Variants in EVL observed in about 807,000 individuals in gnomAD.
EVL encodes the protein Enah/Vasp-like.
A neutral mutation model predicts 59.6 loss-of-function variants in EVL; 21 were observed. That is an observed-to-expected ratio of 0.35 (90% CI 0.25 to 0.51). The LOEUF (loss-of-function observed/expected upper bound fraction) is 0.51. EVL is among the 20% of genes least tolerant of loss of function. The pLI is 0.97. For missense variants in EVL, 462 were observed against 546.6 expected, an observed-to-expected ratio of 0.85 and a Z score of 1.54; for synonymous variants, 198 against 203.5, an observed-to-expected ratio of 0.97 and a Z score of 0.23.
chr14:100,126,826 C>T (rs1888104200), intron 5 of EVL, 55 bp downstream of exon 5: 5 of 1,565,088 alleles, frequency 3.2e-6, no homozygotes, highest in African/African-American at 2.7e-5. Flanking sequence ...GGTGGCAGCC[C>T]CTCCACGTAG....
intron 3 of EVL, among the ~76,000 whole-genome samples, chr14:100,116,392 C>T (rs1278439311): frequency 6.6e-6 from 1 of 152,312 alleles, no homozygotes; most frequent in African/African-American, 2.4e-5. Context: ...CTCTGGCACC[C>T]CTGACATCTC....
chr14:100,065,035 CTG>C (rs1235638894), upstream of EVL, among the ~76,000 whole-genome samples: 3 of 152,240 alleles, frequency 2.0e-5, no homozygotes, highest in African/African-American at 7.2e-5. Flanking sequence ...AGGAAGTCAT[CTG>C]TGCTGAGCCT....
chr14:100,078,621 C>T (rs1055609117), intron 1 of EVL, among the ~76,000 whole-genome samples: 1 of 152,096 alleles, frequency 6.6e-6, no homozygotes, highest in South Asian at 2.1e-4. Context: ...AGTGACAAGA[C>T]GAGCTGGGTG....
At chr14:100,035,848 T>G (rs770381883) in intron 1 of EVL, among the ~76,000 whole-genome samples, 20 of 152,194 alleles carry the variant, frequency 1.3e-4, no homozygotes, top group Non-Finnish European at 2.5e-4. Context: ...TCATGTAGTT[T>G]ATGTGGGTCT....
intron 1 of EVL, among the ~76,000 whole-genome samples, chr14:100,068,898 G>A (rs1338599380): frequency 6.6e-6 from 1 of 152,148 alleles, no homozygotes; most frequent in African/African-American, 2.4e-5. Context: ...ATATGGATGT[G>A]TGATATGTCT....
intron 1 of EVL, among the ~76,000 whole-genome samples, chr14:99,994,112 C>CTTTTTTTTTTTTTTTTTT (rs751533422): frequency 9.1e-5 from 5 of 55,166 alleles, no homozygotes; most frequent in Admixed American, 4.0e-4. Context: ...AGCCTTTTGG[C>CTTTTTTTTTTTTTTTTTT]TTTTTTTTTT....
chr14:100,004,095 T>G (rs2060963207), intron 1 of EVL, among the ~76,000 whole-genome samples: 1 of 152,162 alleles, frequency 6.6e-6, no homozygotes, highest in South Asian at 2.1e-4. Flanking sequence ...TCCCAGCTAC[T>G]TGGGAGGCTG....
intron 3 of EVL, 21 bp from the exon 4 acceptor site, chr14:100,123,518 T>G (rs376769645): frequency 1.9e-6 from 3 of 1,613,432 alleles, no homozygotes; most frequent in African/African-American, 2.7e-5. Flanking sequence ...CCACACTGTT[T>G]CTGTGCTTCT....
intron 1 of EVL, among the ~76,000 whole-genome samples, chr14:100,043,362 A>G (rs1004981973): frequency 2.7e-5 from 4 of 148,666 alleles, no homozygotes; most frequent in Non-Finnish European, 4.5e-5. Flanking sequence ...GTATTGAGTC[A>G]TGATTATGGA....
intron 4 of EVL, among the ~76,000 whole-genome samples, chr14:100,125,193 CA>C (rs1394631462): frequency 5.2e-4 from 77 of 149,082 alleles, no homozygotes; most frequent in South Asian, 8.5e-4. Context: ...CACACACACA[CA>C]CCTGCCCCAA....
intron 1 of EVL, among the ~76,000 whole-genome samples, chr14:100,056,122 G>T (rs182965933): frequency 6.6e-6 from 1 of 152,006 alleles, no homozygotes. Context: ...CGTTGTTTTC[G>T]TATCAGTTCT....
chr14:100,097,750 C>T (rs1885919447), intron 3 of EVL, 92 bp downstream of exon 3: 5 of 1,232,412 alleles, frequency 4.1e-6, no homozygotes, highest in South Asian at 3.0e-5. Context: ...TATCCTAGCA[C>T]TGTCACTGCA....
intron 1 of EVL, among the ~76,000 whole-genome samples, chr14:100,047,774 C>G (rs987622761): frequency 6.6e-6 from 1 of 152,168 alleles, no homozygotes; most frequent in Admixed American, 6.5e-5. Flanking sequence ...AGTTACCCTA[C>G]AGAGAGCTTG....
chr14:100,065,413 A>G, upstream of EVL: 1 of 1,291,660 alleles, frequency 7.7e-7, no homozygotes, highest in East Asian at 2.9e-5. Context: ...TGCTGTCTTC[A>G]GAGGGTCTGT....
chr14:99,993,689 T>C (rs541362837), intron 1 of EVL, among the ~76,000 whole-genome samples: 9 of 133,314 alleles, frequency 6.8e-5, no homozygotes, highest in Admixed American at 4.3e-4. Context: ...TTCTTTCTTT[T>C]TTTTTTTTTT....
intron 1 of EVL, among the ~76,000 whole-genome samples, chr14:99,976,065 C>T (rs2060768379): frequency 2.6e-5 from 4 of 151,814 alleles, no homozygotes; most frequent in African/African-American, 4.8e-5. Context: ...TTCAGAGTCT[C>T]ATTCCTTTGC....
At chr14:100,122,316 G>GT (rs1326319953) in intron 3 of EVL, among the ~76,000 whole-genome samples, 1 of 152,218 alleles carries the variant, frequency 6.6e-6, no homozygotes, top group Non-Finnish European at 1.5e-5. Flanking sequence ...CTTGCTGTAT[G>GT]TAAGACCTTG....
intron 1 of EVL, among the ~76,000 whole-genome samples, chr14:99,998,244 G>A (rs1284493479): frequency 6.6e-6 from 1 of 151,880 alleles, no homozygotes; most frequent in Non-Finnish European, 1.5e-5. Context: ...AGTCTCAAAC[G>A]CGGCTCCAGT....
rs1886842761 is a variant in EVL, at chr14:100,109,836, A to G, written c.358+12178A>G. On this transcript the variant is annotated intron_variant, in intron 3 of 13. Transcript: ENST00000392920. This position sits in a 1 kb window ranked among gnomAD's most constrained non-coding sequence, Gnocchi z 4.3. ...CAGCTGCTGTGGCCCCGAGGTGTGC[A>G]TACTGTGGAAGGAACTTCGGACGTG... 8 of 420,078 alleles carry G rather than the reference A, an allele frequency of 1.9e-5. No homozygotes were observed. The highest frequency in any genetic ancestry group is 1.4e-4 in the South Asian group (8 of 56,426). 26.0% of individuals were successfully genotyped at this position (420,078 alleles called of 1,614,324 possible).
Sources: gnomAD v4.1 joint callset for allele counts (sites outside exome capture counted in the v4.1 genomes callset) on GRCh38, gnomAD v4.1.1 for gene constraint, Gnocchi (gnomAD v3.1) non-coding constraint, MANE v1.5 for transcripts, NCBI Gene and HGNC (gene_info 2026-07-23, HGNC 2026-07-21) for gene names.